Variants in PAM observed in about 807,000 individuals in gnomAD.
PAM encodes peptidylglycine alpha-amidating monooxygenase.
Under a neutral mutation model 122.1 loss-of-function variants are expected in PAM, and 72 were observed. The observed-to-expected ratio is 0.59, with a 90% confidence interval of 0.49 to 0.72. The LOEUF is 0.72. Ranked by LOEUF, PAM falls within the 30% of genes least tolerant of loss-of-function variation. The pLI, the probability that PAM is intolerant of heterozygous loss-of-function variation, is 0.00. For synonymous variants in PAM, 389 were observed against 404.4 expected (o/e 0.96, Z 0.46); for missense variants, 1,106 against 1,183.7 (o/e 0.93, Z 0.96).
intron 1 of PAM, among the ~76,000 whole-genome samples, chr5:102,843,449 G>C (rs1779170205): frequency 6.6e-6 from 1 of 152,148 alleles, no homozygotes; most frequent in Non-Finnish European, 1.5e-5. Context: ...AGGACCTATG[G>C]CTGGATAAAA....
At chr5:102,942,249 TCTC>T (rs1217719991) in intron 7 of PAM, among the ~76,000 whole-genome samples, 1 of 151,764 alleles carries the variant, frequency 6.6e-6, no homozygotes, top group Admixed American at 6.6e-5. Flanking sequence ...CCCCAAATAA[TCTC>T]CTACTCCTGC....
At chr5:102,893,328 C>A (rs1180384291) in intron 3 of PAM, among the ~76,000 whole-genome samples, 1 of 151,680 alleles carries the variant, frequency 6.6e-6, no homozygotes, top group Admixed American at 6.6e-5. Context: ...AAAGGTATTC[C>A]CCTATGTCAT....
At chr5:102,837,075 GCCAATGGCATGCTTTTA>G (rs1432159904) in intron 1 of PAM, among the ~76,000 whole-genome samples, 1 of 152,150 alleles carries the variant, frequency 6.6e-6, no homozygotes, top group Non-Finnish European at 1.5e-5. Context: ...CAGAGTTGAA[GCCAATGGCATGCTTTTA>G]CCTCTTCTCC....
chr5:102,767,921 G>A (rs1005929289), intron 1 of PAM, among the ~76,000 whole-genome samples: 3 of 152,114 alleles, frequency 2.0e-5, no homozygotes, highest in Non-Finnish European at 4.4e-5. Context: ...GGTCATATAG[G>A]TTGTAAGTGC....
intron 3 of PAM, among the ~76,000 whole-genome samples, chr5:102,891,165 A>T (rs960908242): frequency 6.6e-6 from 1 of 151,900 alleles, no homozygotes; most frequent in Admixed American, 6.6e-5. Context: ...AACTAATTCA[A>T]CTAACATTCA....
At chr5:102,953,354 T>C (rs1162570689) in intron 12 of PAM, among the ~76,000 whole-genome samples, 1 of 152,266 alleles carries the variant, frequency 6.6e-6, no homozygotes, top group African/African-American at 2.4e-5. Context: ...TACATACACA[T>C]GATGGAATAC....
At chr5:102,996,001 TCTTC>T (rs1340764086) in intron 16 of PAM, among the ~76,000 whole-genome samples, 5 of 152,194 alleles carry the variant, frequency 3.3e-5, no homozygotes, top group East Asian at 1.9e-4. Flanking sequence ...ATATTTCATA[TCTTC>T]CTTCAGTTGC....
chr5:103,021,175 C>T (rs867274421), intron 23 of PAM, among the ~76,000 whole-genome samples: 8 of 152,052 alleles, frequency 5.3e-5, no homozygotes, highest in African/African-American at 1.9e-4. Context: ...ATCAGAATTC[C>T]TACTAAGATA....
chr5:102,799,038 ATG>A (rs952599077), intron 1 of PAM, among the ~76,000 whole-genome samples: 1 of 152,174 alleles, frequency 6.6e-6, no homozygotes, highest in Non-Finnish European at 1.5e-5. Flanking sequence ...TTTTGAGAAA[ATG>A]TGTGTGTTTG....
At chr5:102,779,918 T>TACACACACACAC (rs1554059721) in intron 1 of PAM, among the ~76,000 whole-genome samples, 38 of 95,668 alleles carry the variant, frequency 4.0e-4, no homozygotes, top group African/African-American at 1.6e-3. Context: ...TATATATATA[T>TACACACACACAC]ACACACATAT....
chr5:102,917,417 A>G (rs1255859781), intron 5 of PAM, among the ~76,000 whole-genome samples: 1 of 152,204 alleles, frequency 6.6e-6, no homozygotes, highest in Non-Finnish European at 1.5e-5. Flanking sequence ...GAAGACTCCT[A>G]AACTTTCACA....
At chr5:102,839,209 A>G (rs1206767559) in intron 1 of PAM, among the ~76,000 whole-genome samples, 1 of 152,198 alleles carries the variant, frequency 6.6e-6, no homozygotes, top group Non-Finnish European at 1.5e-5. Flanking sequence ...CAAAGTTTAT[A>G]TTCAAGGATT....
rs747327280 is a variant in PAM at position 102,961,203 on chromosome 5, GAGA to G, written c.1148_1150del (p.Glu383del). ...ATTCCTTTACTACAGCAGCCAAAAC[GAGA>G]AGAAGAAGAAGTGTTAGACCAGGGT... On this transcript the variant is annotated inframe_deletion, in exon 14 of 26. Coordinates refer to ENST00000438793, the MANE Select transcript of PAM (RefSeq NM_001177306.2). 1.1e-4 allele frequency: 181 copies of G among 1,577,084 alleles called. No homozygotes were observed. The highest frequency in any genetic ancestry group is 5.0e-4 in the Middle Eastern group (3 of 5,970).
intron 15 of PAM, among the ~76,000 whole-genome samples, chr5:102,988,724 AAAGGGAAGG>A (rs1314742333): frequency 3.5e-5 from 5 of 144,070 alleles, no homozygotes; most frequent in South Asian, 4.4e-4. Context: ...AGAAAAGAAA[AAAGGGAAGG>A]AAGGGAAGGA....
chr5:102,880,115 T>C (rs1245109406), intron 3 of PAM, among the ~76,000 whole-genome samples: 1 of 151,980 alleles, frequency 6.6e-6, no homozygotes, highest in African/African-American at 2.4e-5. Context: ...ATTTCATCTC[T>C]ACAAAAAATA....
chr5:102,881,213 G>A (rs1407632530), intron 3 of PAM, among the ~76,000 whole-genome samples: 1 of 150,776 alleles, frequency 6.6e-6, no homozygotes, highest in African/African-American at 2.4e-5. Context: ...ACACGCATAT[G>A]GCAGAAAAAG....
At position 103,001,085 on chromosome 5, in the gene PAM, A is replaced by G. The variant is rs562823112; in HGVS notation, c.1614-1948A>G. On this transcript the variant is annotated intron_variant, in intron 16 of 25. Transcript: ENST00000438793. ...ATGAAGAAACTTTAACCTATTACAT[A>G]TGAATGTGAAGGTTACAATATACTG... Among the ~76,000 whole-genome samples the G allele has an allele frequency of 5.9e-5, 9 of 152,336 alleles. No homozygotes were observed. In the South Asian group the frequency reaches 1.4e-3, roughly 25 times the overall value.
At chr5:102,889,453 C>A (rs1320046551) in intron 3 of PAM, among the ~76,000 whole-genome samples, 2 of 151,820 alleles carry the variant, frequency 1.3e-5, no homozygotes, top group African/African-American at 4.8e-5. Flanking sequence ...CAGTTTGCTG[C>A]TTTATAAATC....
intron 1 of PAM, among the ~76,000 whole-genome samples, chr5:102,806,120 A>G (rs1445360881): frequency 6.6e-6 from 1 of 152,224 alleles, no homozygotes; most frequent in Non-Finnish European, 1.5e-5. Context: ...TCTCTGGAAA[A>G]GTCGAAACAA....
Sources: allele counts gnomAD v4.1 joint callset (sites outside exome capture counted in the v4.1 genomes callset), GRCh38; gene constraint gnomAD v4.1.1; transcripts MANE v1.5; gene names NCBI Gene and HGNC (gene_info 2026-07-23, HGNC 2026-07-21).